The following CYP4X1 variants were observed in gnomAD, a reference collection of about 807,000 sequenced individuals.
CYP4X1 encodes the protein cytochrome P450 family 4 subfamily X member 1.
In CYP4X1, 44 loss-of-function variants were observed where a neutral mutation model predicts 57.9. The observed-to-expected ratio is 0.76, with a 90% CI of 0.60 to 0.98. The LOEUF (loss-of-function observed/expected upper bound fraction) is 0.98, where lower values mean the gene tolerates loss of function less well. Ranked by LOEUF, CYP4X1 falls within the 50% of genes least tolerant of loss-of-function variation. The pLI, the probability that CYP4X1 is intolerant of heterozygous loss-of-function variation, is 0.00. For missense variants in CYP4X1, 532 were observed against 623.9 expected (o/e 0.85, Z 1.57); for synonymous variants, 227 against 228.6 (o/e 0.99, Z 0.06).
At chr1:46,976,319 C>T in the CYP4X1 span, among the ~76,000 whole-genome samples, 1 of 152,288 alleles carries the variant, frequency 6.6e-6, no homozygotes, top group East Asian at 1.9e-4. Context: ...TCCGTGGGTC[C>T]CATGCCCATG....
chr1:47,036,370 T>TTTTATATATATATATATATATATATATA (rs1553152517), intron 6 of CYP4X1, among the ~76,000 whole-genome samples, 199 bp downstream of exon 6: 5 of 129,824 alleles, frequency 3.9e-5, no homozygotes, highest in African/African-American at 8.4e-5. Flanking sequence ...ATCAGAATTT[T>TTTTATATATATATATATATATATATATA]TATATATATA....
upstream of CYP4X1, among the ~76,000 whole-genome samples, chr1:47,021,750 C>T (rs1313056141): frequency 6.6e-6 from 1 of 152,170 alleles, no homozygotes; most frequent in East Asian, 1.9e-4. Context: ...GGAGTAACTG[C>T]ATAGAACTGT....
chr1:46,962,700 T>C, the CYP4X1 span, among the ~76,000 whole-genome samples: 1 of 152,226 alleles, frequency 6.6e-6, no homozygotes, highest in Admixed American at 6.5e-5. Context: ...ATAAGTGCAG[T>C]GTCGTTCTGA....
At chr1:46,977,735 G>T in the CYP4X1 span, among the ~76,000 whole-genome samples, 5 of 151,892 alleles carry the variant, frequency 3.3e-5, no homozygotes, top group Non-Finnish European at 1.5e-5. Context: ...GAACGGTCGG[G>T]TTACCAATAA....
At chr1:47,007,749 G>A in the CYP4X1 span, among the ~76,000 whole-genome samples, 599 of 152,302 alleles carry the variant, frequency 3.9e-3, 1 homozygote, top group African/African-American at 0.013. Flanking sequence ...TGACGGAGCC[G>A]AAAACCATGG....
the CYP4X1 span, among the ~76,000 whole-genome samples, chr1:46,987,791 A>C: frequency 6.6e-6 from 1 of 152,198 alleles, no homozygotes; most frequent in Admixed American, 6.5e-5. Context: ...ACTACTGGGT[A>C]CATAACAAAA....
At chr1:47,000,188 AT>A in the CYP4X1 span, among the ~76,000 whole-genome samples, 1 of 152,066 alleles carries the variant, frequency 6.6e-6, no homozygotes, top group Non-Finnish European at 1.5e-5. Context: ...GTGTTTGGCA[AT>A]TCCCTTTCAT....
At chr1:46,962,004 T>G in the CYP4X1 span, among the ~76,000 whole-genome samples, 1 of 152,198 alleles carries the variant, frequency 6.6e-6, no homozygotes, top group Admixed American at 6.5e-5. Flanking sequence ...TAGGCATCTT[T>G]CCCACTGGTC....
chr1:46,993,176 T>TG, the CYP4X1 span, among the ~76,000 whole-genome samples: 583 of 147,464 alleles, frequency 4.0e-3, 4 homozygotes, highest in African/African-American at 0.014. Context: ...AGTGAGAACA[T>TG]GCGGTGTTTG....
chr1:47,008,745 G>A, the CYP4X1 span, among the ~76,000 whole-genome samples: 9 of 151,592 alleles, frequency 5.9e-5, no homozygotes, highest in Admixed American at 1.3e-4. Context: ...CAAACAAATG[G>A]AAACAAAAAG....
chr1:46,998,478 T>C, the CYP4X1 span, among the ~76,000 whole-genome samples: 1 of 152,214 alleles, frequency 6.6e-6, no homozygotes, highest in Non-Finnish European at 1.5e-5. Context: ...TTCTAAAAAT[T>C]AGTCCTTTTT....
the CYP4X1 span, among the ~76,000 whole-genome samples, chr1:46,987,603 A>C: frequency 6.6e-6 from 1 of 152,334 alleles, no homozygotes; most frequent in African/African-American, 2.4e-5. Flanking sequence ...ACCACATTGC[A>C]CTTATTCTAA....
At chr1:46,993,833 C>CT in the CYP4X1 span, among the ~76,000 whole-genome samples, 1 of 151,986 alleles carries the variant, frequency 6.6e-6, no homozygotes, top group African/African-American at 2.4e-5. Context: ...GATATTAGCC[C>CT]TTTGTCAGAT....
chr1:47,048,052 G>A (rs1644321013), intron 9 of CYP4X1, among the ~76,000 whole-genome samples: 1 of 149,618 alleles, frequency 6.7e-6, no homozygotes, highest in Admixed American at 6.7e-5. Context: ...AGACTAGCCT[G>A]GGCAACATAG....
Position 47,023,953 on chromosome 1 carries a change from T to C in CYP4X1, c.136T>C (p.Phe46Leu), listed in dbSNP as rs1305942601. ...RQRLLRDLRPFPAPPTHWFLG... is the reference protein window; with the variant it reads ...RQRLLRDLRPLPAPPTHWFLG... ...GCGGCTGCTGCGGGACCTGCGCCCC[T>C]TCCCAGCGCCCCCCACCCACTGGTT... Residue 46 changes from phenylalanine to leucine, a missense_variant, in exon 1 of 12, where the codon TTC (phenylalanine) becomes CTC (leucine). Transcript: ENST00000371901. 8.7e-6 allele frequency: 14 copies of C among 1,613,070 alleles called. No homozygotes were observed. Among genetic ancestry groups the C allele is most frequent in the Non-Finnish European group, 1.2e-5 (14 of 1,179,884 alleles).
At chr1:47,023,396 C>G (rs1465731580), upstream of CYP4X1, among the ~76,000 whole-genome samples, 1 of 152,168 alleles carries the variant, frequency 6.6e-6, no homozygotes, top group East Asian at 1.9e-4. Flanking sequence ...ACCTCTACCA[C>G]CTGGGAATTT....
the CYP4X1 span, among the ~76,000 whole-genome samples, chr1:47,010,039 G>A: frequency 6.6e-6 from 1 of 152,154 alleles, no homozygotes; most frequent in East Asian, 1.9e-4. Flanking sequence ...GAGAAAGAGG[G>A]AATCCTCCCT....
At chr1:47,036,319 T>C (rs1644181252) in intron 6 of CYP4X1, 148 bp downstream of exon 6, 9 of 914,416 alleles carry the variant, frequency 9.8e-6, no homozygotes, top group African/African-American at 3.5e-5. Context: ...GAAATTTGAC[T>C]TGAGTCCTTT....
chr1:47,012,608 A>C, the CYP4X1 span, among the ~76,000 whole-genome samples: 1 of 152,222 alleles, frequency 6.6e-6, no homozygotes, highest in African/African-American at 2.4e-5. Flanking sequence ...GACTGAAAAA[A>C]AAAAGGTCTG....
Sources: gnomAD v4.1 joint callset for allele counts (sites outside exome capture counted in the v4.1 genomes callset) on GRCh38, gnomAD v4.1.1 for gene constraint, MANE v1.5 for transcripts, NCBI Gene and HGNC (gene_info 2026-07-23, HGNC 2026-07-21) for gene names.